The following NRF1 variants were observed in gnomAD, a reference collection of about 807,000 sequenced individuals.
NRF1 encodes alpha palindromic-binding protein.
Under a neutral mutation model 58.5 loss-of-function variants are expected in NRF1, and 5 were observed. That is an observed-to-expected ratio of 0.09 (90% CI 0.04 to 0.18). NRF1 has a LOEUF of 0.18. Ranked by LOEUF, NRF1 falls within the 10% of genes least tolerant of loss-of-function variation. NRF1 has a pLI of 1.00. For missense variants in NRF1, 288 were observed against 657.7 expected, an observed-to-expected ratio of 0.44 and a Z score of 6.15; for synonymous variants, 224 against 246.7, an observed-to-expected ratio of 0.91 and a Z score of 0.86.
At chr7:129,716,527 T>C (rs1803193499) in intron 8 of NRF1, among the ~76,000 whole-genome samples, 1 of 152,128 alleles carries the variant, frequency 6.6e-6, no homozygotes, top group Non-Finnish European at 1.5e-5. Context: ...GCACAACATG[T>C]TGTTTTGAAG....
chr7:129,714,987 C>T (rs1158314877), intron 8 of NRF1, among the ~76,000 whole-genome samples: 1 of 152,124 alleles, frequency 6.6e-6, no homozygotes, highest in East Asian at 1.9e-4. Context: ...GACAGATACA[C>T]CTGAGCTGAT....
chr7:129,720,417 C>G (rs955901552), intron 9 of NRF1, among the ~76,000 whole-genome samples: 1 of 152,172 alleles, frequency 6.6e-6, no homozygotes, highest in African/African-American at 2.4e-5. Flanking sequence ...CTGAGCCTCT[C>G]CACAGAATTT....
intron 10 of NRF1, among the ~76,000 whole-genome samples, chr7:129,745,635 T>C (rs532279319): frequency 6.6e-6 from 1 of 152,004 alleles, no homozygotes; most frequent in Admixed American, 6.6e-5. Flanking sequence ...TCTCCTGCCA[T>C]TTTCAGTTTA....
At chr7:129,622,966 C>A (rs1222384984) in intron 1 of NRF1, among the ~76,000 whole-genome samples, 1 of 152,194 alleles carries the variant, frequency 6.6e-6, no homozygotes, top group Non-Finnish European at 1.5e-5. Flanking sequence ...GAGACAGTTA[C>A]AGATCCATTT....
At chr7:129,709,593 T>C (rs1020672805) in intron 6 of NRF1, among the ~76,000 whole-genome samples, 3 of 152,178 alleles carry the variant, frequency 2.0e-5, no homozygotes, top group Non-Finnish European at 4.4e-5. Flanking sequence ...TTGTTGAAAA[T>C]GTAAATATGG....
intron 1 of NRF1, among the ~76,000 whole-genome samples, chr7:129,646,815 A>G (rs1584604320): frequency 1.3e-5 from 2 of 152,236 alleles, no homozygotes; most frequent in African/African-American, 2.4e-5. Flanking sequence ...CTCTGACAAG[A>G]ATAGAAGACA....
rs866919636 is a variant in NRF1 at position 129,745,508 on chromosome 7, C to A, written c.1349-9510C>A. ...TCATCCCCAAACCATCCCCCTCAAC[C>A]CCCCCCCCATCCATGGAAATACTGT... On this transcript the variant is annotated intron_variant, in intron 10 of 10. Coordinates refer to ENST00000393232, the MANE Select transcript of NRF1 (RefSeq NM_005011.5). Among the ~76,000 whole-genome samples, 552 of 99,042 alleles carry A rather than the reference C, an allele frequency of 5.6e-3. 3 individuals carry two copies. The highest frequency in any genetic ancestry group is 0.019 in the African/African-American group (518 of 27,468). 65.0% of individuals were successfully genotyped at this position (99,042 alleles called of 152,430 possible).
At chr7:129,745,782 G>A (rs1164865846) in intron 10 of NRF1, among the ~76,000 whole-genome samples, 1 of 152,166 alleles carries the variant, frequency 6.6e-6, no homozygotes, top group Non-Finnish European at 1.5e-5. Flanking sequence ...CCTGGGCATT[G>A]CCAGTAATTT....
At chr7:129,665,769 TGCCCA>T (rs1259004270) in intron 2 of NRF1, among the ~76,000 whole-genome samples, 3 of 152,120 alleles carry the variant, frequency 2.0e-5, no homozygotes, top group Non-Finnish European at 4.4e-5. Context: ...CACGCCACCA[TGCCCA>T]GCTAATTTTT....
chr7:129,717,499 T>C (rs1010563146), intron 9 of NRF1, 123 bp downstream of exon 9: 1 of 1,064,624 alleles, frequency 9.4e-7, no homozygotes, highest in African/African-American at 1.6e-5. Context: ...CTTAACACTC[T>C]TGGCCCATAC....
intron 1 of NRF1, among the ~76,000 whole-genome samples, chr7:129,615,374 A>C (rs1430346006): frequency 6.6e-6 from 1 of 152,228 alleles, no homozygotes; most frequent in African/African-American, 2.4e-5. Flanking sequence ...TTTCTGGGCC[A>C]GTAATCATCT....
chr7:129,748,367 A>G (rs1489338174), intron 10 of NRF1, among the ~76,000 whole-genome samples: 2 of 151,772 alleles, frequency 1.3e-5, no homozygotes, highest in Admixed American at 1.3e-4. Flanking sequence ...GGAACAGGTC[A>G]GCACATACCT....
intron 10 of NRF1, among the ~76,000 whole-genome samples, chr7:129,738,202 T>C (rs995043247): frequency 2.0e-5 from 3 of 152,236 alleles, no homozygotes. Flanking sequence ...TCACAGGCCT[T>C]TTTTAAATAG....
At chr7:129,688,756 T>A (rs1802499638) in intron 4 of NRF1, among the ~76,000 whole-genome samples, 1 of 152,004 alleles carries the variant, frequency 6.6e-6, no homozygotes, top group South Asian at 2.1e-4. Context: ...CAAACACTTT[T>A]AAACCATCAG....
At chr7:129,746,611 G>A (rs984936635) in intron 10 of NRF1, among the ~76,000 whole-genome samples, 2 of 152,112 alleles carry the variant, frequency 1.3e-5, no homozygotes, top group Non-Finnish European at 2.9e-5. Flanking sequence ...TATAGATACC[G>A]TTGCTGGCTC....
rs1319125843 is a variant in NRF1, at chr7:129,712,364, C to G, written c.1065+788C>G. 2.0e-5 allele frequency among the ~76,000 whole-genome samples: 3 copies of G among 152,176 alleles called. No homozygotes were observed. In the East Asian group the frequency reaches 5.8e-4, roughly 29 times the overall value. On this transcript the variant is annotated intron_variant, in intron 8 of 10. Transcript: ENST00000393232. Reference sequence around the variant, plus strand: ...TGGTGTGCTGAAGTTTGAAAAATAGCCAACAGATGTCAAAGAGCAGTATCA... The same window carrying G: ...TGGTGTGCTGAAGTTTGAAAAATAGGCAACAGATGTCAAAGAGCAGTATCA...
chr7:129,713,780 G>T (rs1430526610), intron 8 of NRF1, among the ~76,000 whole-genome samples: 1 of 152,234 alleles, frequency 6.6e-6, no homozygotes, highest in Non-Finnish European at 1.5e-5. Flanking sequence ...TCAGGGGAGT[G>T]GAATTGTCTC....
At chr7:129,629,828 A>G (rs1352998710) in intron 1 of NRF1, among the ~76,000 whole-genome samples, 1 of 152,230 alleles carries the variant, frequency 6.6e-6, no homozygotes, top group African/African-American at 2.4e-5. Flanking sequence ...GGCTACTAGT[A>G]TAGTTTTGTG....
At chr7:129,718,057 A>G (rs1803232239) in intron 9 of NRF1, among the ~76,000 whole-genome samples, 1 of 152,204 alleles carries the variant, frequency 6.6e-6, no homozygotes, top group South Asian at 2.1e-4. Context: ...CAGGTATGTT[A>G]GGAAGGGTGC....
Sources: allele counts gnomAD v4.1 joint callset (sites outside exome capture counted in the v4.1 genomes callset), GRCh38; gene constraint gnomAD v4.1.1; transcripts MANE v1.5; gene names NCBI Gene and HGNC (gene_info 2026-07-23, HGNC 2026-07-21).